GABRB1: variants seen among roughly 807,000 people sequenced by gnomAD.
GABRB1 encodes gamma-aminobutyric acid type A receptor subunit beta1, also known as gamma-aminobutyric acid receptor subunit beta-1.
Under a neutral mutation model 51.6 loss-of-function variants are expected in GABRB1, and 17 were observed. The ratio of observed to expected loss-of-function variants is 0.33; its 90% CI spans 0.23 to 0.49. The LOEUF (loss-of-function observed/expected upper bound fraction) is 0.49. Among genes scored for constraint, GABRB1 ranks in the 20% least tolerant of loss-of-function variants. GABRB1 has a pLI of 0.99. For synonymous variants in GABRB1, 247 were observed against 218.9 expected (o/e 1.13, Z -1.14); for missense variants, 410 against 600.6 (o/e 0.68, Z 3.32).
exon 9 of GABRB1, chr4:47,426,428 C>CAAAAAAAAAAAAAAAAAAACAAAA (rs1729301479): frequency 2.4e-5 from 2 of 84,828 alleles, no homozygotes; most frequent in Non-Finnish European, 5.2e-5. Flanking sequence ...CTTATGCTGC[C>CAAAAAAAAAAAAAAAAAAACAAAA]AAAAAAAAAA....
intron 4 of GABRB1, among the ~76,000 whole-genome samples, chr4:47,262,746 T>C (rs527245731): frequency 7.8e-4 from 118 of 152,184 alleles, no homozygotes; most frequent in Non-Finnish European, 1.4e-3. Context: ...CATGCACACA[T>C]ATGTTTATTG....
At chr4:47,322,120 G>T (rs1243694114) in intron 5 of GABRB1, among the ~76,000 whole-genome samples, 1 of 152,108 alleles carries the variant, frequency 6.6e-6, no homozygotes, top group Non-Finnish European at 1.5e-5. Context: ...TGTAACTTTT[G>T]TGGGGAAGGG....
chr4:47,349,823 A>T (rs184285874), intron 5 of GABRB1, among the ~76,000 whole-genome samples: 8 of 152,316 alleles, frequency 5.3e-5, no homozygotes, highest in Admixed American at 5.2e-4. Flanking sequence ...ATAGATTTTG[A>T]TTCCCAGCTC....
rs59682924 is a variant in GABRB1 at position 47,426,428 on chromosome 4, C to CAAAAAAAAAAAAAA, written c.*416_*429dup. ...GTAAACTATAACAAACTTATGCTGC[C>CAAAAAAAAAAAAAA]AAAAAAAAAAAAAAAAAAACATAAA... On this transcript the variant is annotated 3_prime_UTR_variant, in exon 9 of 9. Transcript: ENST00000295454. 1.2e-4 allele frequency: 10 copies of CAAAAAAAAAAAAAA among 84,808 alleles called. No homozygotes were observed. Among genetic ancestry groups the CAAAAAAAAAAAAAA allele is most frequent in the Non-Finnish European group, 1.6e-4 (6 of 38,370 alleles). The allele number at this position is 84,808 out of a possible 1,614,324, so 5.3% of individuals were successfully genotyped here. A position where few individuals can be genotyped will look rare whatever the true frequency, so the allele number is the denominator to read the frequency against.
chr4:47,294,178 C>T (rs556455407), intron 4 of GABRB1, among the ~76,000 whole-genome samples: 28 of 152,260 alleles, frequency 1.8e-4, no homozygotes, highest in South Asian at 2.1e-4. Context: ...GCATGAGCAA[C>T]GCAGAAGACA....
At chr4:47,245,420 G>T (rs548064617) in intron 4 of GABRB1, among the ~76,000 whole-genome samples, 1 of 152,070 alleles carries the variant, frequency 6.6e-6, no homozygotes, top group African/African-American at 2.4e-5. Flanking sequence ...TATTCATCAC[G>T]TAAAATAGTC....
At chr4:47,279,883 A>G (rs1279936878) in intron 4 of GABRB1, among the ~76,000 whole-genome samples, 1 of 149,922 alleles carries the variant, frequency 6.7e-6, no homozygotes, top group Admixed American at 6.7e-5. Context: ...CACTCCTTAG[A>G]GGTGAAATGA....
chr4:47,068,946 C>G (rs551904179), intron 3 of GABRB1, among the ~76,000 whole-genome samples: 1 of 152,152 alleles, frequency 6.6e-6, no homozygotes, highest in Non-Finnish European at 1.5e-5. Flanking sequence ...GAGATGCCAA[C>G]CCCTGGCTTT....
intron 3 of GABRB1, among the ~76,000 whole-genome samples, chr4:47,133,414 G>A (rs1263793093): frequency 1.3e-5 from 2 of 152,176 alleles, no homozygotes; most frequent in African/African-American, 4.8e-5. Flanking sequence ...AATGAATGTA[G>A]ATATTGATGC....
chr4:47,263,196 T>TAATAAATAAATAAATAAATA (rs60437394), intron 4 of GABRB1, among the ~76,000 whole-genome samples: 137 of 149,442 alleles, frequency 9.2e-4, no homozygotes, highest in African/African-American at 3.2e-3. Context: ...AGTATAATAA[T>TAATAAATAAATAAATAAATA]AATAAATAAA....
intron 3 of GABRB1, among the ~76,000 whole-genome samples, chr4:47,137,664 T>C (rs1331962141): frequency 2.0e-5 from 3 of 152,126 alleles, no homozygotes; most frequent in African/African-American, 2.4e-5. Flanking sequence ...TCCAAAAACA[T>C]AGGCTAATAT....
chr4:47,345,366 G>A (rs1035226283), intron 5 of GABRB1, among the ~76,000 whole-genome samples: 2 of 152,122 alleles, frequency 1.3e-5, no homozygotes. Context: ...ACCAATAAAG[G>A]TAAAATTGCT....
intron 4 of GABRB1, among the ~76,000 whole-genome samples, chr4:47,246,329 CATATGTACATATATATATATATAT>C (rs1333934502): frequency 1.3e-3 from 39 of 29,024 alleles, no homozygotes; most frequent in Admixed American, 1.8e-3. Flanking sequence ...CACACACACA[CATATGTACATATATATATATATAT>C]ATATATATAT....
Position 47,426,223 on chromosome 4 carries a change from G to A in GABRB1, c.*205G>A, listed in dbSNP as rs1729288879. The A allele has an allele frequency of 4.7e-6, 2 of 428,346 alleles. No homozygotes were observed. Among genetic ancestry groups the A allele is most frequent in the East Asian group, 3.7e-5 (1 of 27,144 alleles). 26.5% of individuals were successfully genotyped at this position (428,346 alleles called of 1,614,324 possible). On this transcript the variant is annotated 3_prime_UTR_variant, in exon 9 of 9. Transcript: ENST00000295454. Reference sequence around the variant, plus strand: ...AAAAAAATTATTTTTCCAGTCTACCGTGGTCCAGGTTATCAGCTCTTTAAG... The same window carrying A: ...AAAAAAATTATTTTTCCAGTCTACCATGGTCCAGGTTATCAGCTCTTTAAG...
chr4:47,295,099 C>T (rs551183998), intron 4 of GABRB1, among the ~76,000 whole-genome samples: 1 of 152,228 alleles, frequency 6.6e-6, no homozygotes, highest in South Asian at 2.1e-4. Flanking sequence ...ACAACAAAAA[C>T]CCATCTGTAC....
upstream of GABRB1, among the ~76,000 whole-genome samples, chr4:47,028,724 G>A (rs1725180522): frequency 6.7e-6 from 1 of 150,106 alleles, no homozygotes. Flanking sequence ...TTCTGTGTAT[G>A]TGTATATATA....
At chr4:47,339,784 G>C (rs913557171) in intron 5 of GABRB1, among the ~76,000 whole-genome samples, 2 of 148,164 alleles carry the variant, frequency 1.3e-5, no homozygotes, top group Admixed American at 1.4e-4. Flanking sequence ...ACTTTACCCT[G>C]TTGAACAGGT....
intron 4 of GABRB1, among the ~76,000 whole-genome samples, chr4:47,221,561 C>G (rs886856390): frequency 6.6e-6 from 1 of 151,822 alleles, no homozygotes; most frequent in Non-Finnish European, 1.5e-5. Flanking sequence ...TGCTCTAAAA[C>G]TATACTAGAT....
chr4:47,401,367 C>A (rs1728378380), intron 5 of GABRB1, among the ~76,000 whole-genome samples: 1 of 152,136 alleles, frequency 6.6e-6, no homozygotes. Context: ...TTTAACTTTC[C>A]CACATCCCCT....
Sources: allele counts gnomAD v4.1 joint callset (sites outside exome capture counted in the v4.1 genomes callset), GRCh38; gene constraint gnomAD v4.1.1; transcripts MANE v1.5; gene names NCBI Gene and HGNC (gene_info 2026-07-23, HGNC 2026-07-21).